ATP13A2: variants seen among roughly 807,000 people sequenced by gnomAD.
ATP13A2 encodes the protein polyamine-transporting ATPase 13A2.
In ATP13A2, 83 loss-of-function variants were observed where a neutral mutation model predicts 138.3. The ratio of observed to expected loss-of-function variants is 0.60; its 90% CI spans 0.50 to 0.72. The LOEUF (loss-of-function observed/expected upper bound fraction) is 0.72, where lower values mean the gene tolerates loss of function less well. Ranked by LOEUF, ATP13A2 falls within the 30% of genes least tolerant of loss-of-function variation. The probability of loss-of-function intolerance (pLI) is 0.00; values close to 1 mark genes in which losing one functional copy is unlikely to be tolerated. For missense variants in ATP13A2, 1,402 were observed against 1,606.4 expected (o/e 0.87, Z 2.17); for synonymous variants, 663 against 699.0 (o/e 0.95, Z 0.81).
At chr1:16,991,461 G>A (rs1324832183) in intron 20 of ATP13A2, among the ~76,000 whole-genome samples, 3 of 152,190 alleles carry the variant, frequency 2.0e-5, no homozygotes, top group African/African-American at 7.2e-5. Context: ...TCTCAGAGGT[G>A]CCACCTGGAA....
chr1:17,003,585 CCACACACACACACACA>C (rs540533484), intron 6 of ATP13A2, among the ~76,000 whole-genome samples: 2 of 132,988 alleles, frequency 1.5e-5, no homozygotes, highest in Non-Finnish European at 3.1e-5. Context: ...ACCAAAAAAA[CCACACACACACACACA>C]CACACACACA....
At chr1:17,000,775 C>T (rs2101015611) in intron 8 of ATP13A2, 1 of 537,238 alleles carries the variant, frequency 1.9e-6, no homozygotes, top group African/African-American at 1.9e-5. Flanking sequence ...AACCCCATAT[C>T]TACAAAAAAT....
Position 16,987,254 on chromosome 1 carries a change from C to A in ATP13A2, c.2875G>T (p.Gly959Cys). 1.9e-6 allele frequency: 3 copies of A among 1,613,742 alleles called. No homozygotes were observed. The highest frequency in any genetic ancestry group is 2.5e-6 in the Non-Finnish European group (3 of 1,179,810). Residue 959 changes from glycine (G) to cysteine (C), a missense_variant, in exon 26 of 29, where the codon GGT becomes TGT. Coordinates refer to ENST00000326735, the MANE Select transcript of ATP13A2 (RefSeq NM_022089.4). ...TCGATGGCCAGGAACTGCAGGTCAC[C>A]CAGGTTGGTGTTGATCTGCCACAGG... The part of the protein sequence containing the change: ...LILYTINTNL[G>C]DLQFLAIDLV...
At chr1:16,991,933 C>A in intron 19 of ATP13A2, 75 bp from the exon 20 acceptor site, 1 of 1,610,930 alleles carries the variant, frequency 6.2e-7, no homozygotes, top group Admixed American at 1.7e-5. Context: ...GGCAGGGCAT[C>A]TTCCTTGGGC....
intron 11 of ATP13A2, 53 bp downstream of exon 11, chr1:16,999,958 G>A: frequency 6.5e-7 from 1 of 1,548,416 alleles, no homozygotes; most frequent in Non-Finnish European, 8.7e-7. Context: ...GCAGGGCAAA[G>A]GGTTGGATGG....
At chr1:17,006,433 T>C (rs891455940) in intron 1 of ATP13A2, among the ~76,000 whole-genome samples, 3 of 151,886 alleles carry the variant, frequency 2.0e-5, no homozygotes, top group South Asian at 2.1e-4. Flanking sequence ...GTATTTTTAG[T>C]AGAGATGGGG....
Position 16,992,019 on chromosome 1 carries a change from G to A in ATP13A2, c.2116C>T (p.Gln706Ter), listed in dbSNP as rs2076949269. 1.9e-6 allele frequency: 3 copies of A among 1,612,696 alleles called. No homozygotes were observed. Among genetic ancestry groups the A allele is most frequent in the Non-Finnish European group, 2.5e-6 (3 of 1,179,344 alleles). Reference sequence around the variant, plus strand: ...AGGAGACAGGCCCACCTCGTCAGTTGCTGGGCTGCCTCCAGGCTGGGCACA... The same window carrying A: ...AGGAGACAGGCCCACCTCGTCAGTTACTGGGCTGCCTCCAGGCTGGGCACA... ...PTVPSLEAAQ[Q>*]LTRDTVEGDL... is the part of the protein sequence containing the mutation. The change falls in exon 19 of 29, where the codon CAA (glutamine) becomes TAA (stop). Residue 706 changes from glutamine (Q) to a stop codon, truncating the protein, a stop_gained. Transcript: ENST00000326735. LOFTEE classifies it high-confidence loss of function.
intron 1 of ATP13A2, among the ~76,000 whole-genome samples, chr1:17,008,205 C>T (rs913758473): frequency 6.6e-6 from 1 of 152,038 alleles, no homozygotes; most frequent in East Asian, 1.9e-4. Context: ...TGCAGTGTTG[C>T]GATCATAGCT....
chr1:16,993,786 A>C lies in ATP13A2; in HGVS notation c.1592T>G (p.Leu531Arg). 6.3e-7 allele frequency: 1 copy of C among 1,585,814 alleles called. No individual in the cohort carries two copies. Among genetic ancestry groups the C allele is most frequent in the Non-Finnish European group, 8.6e-7 (1 of 1,166,738 alleles). The stretch of plus-strand genomic sequence containing the variant: ...CAGGGGCAGGAATGCCTGCCCCTTC[A>C]GGGGCACCACCCCCATCACGTCTAA... ...DGLDVMGVVP[L>R]KGQAFLPLVP... is the part of the protein sequence containing the mutation. Residue 531 changes from leucine to arginine, a missense_variant, in exon 16 of 29, where the codon CTG becomes CGG. Coordinates refer to ENST00000326735, the MANE Select transcript of ATP13A2 (RefSeq NM_022089.4).
In ATP13A2 at chr1:17,004,714, T is replaced by C. The variant is rs748158984; in HGVS notation, c.455A>G (p.Glu152Gly). The C allele has an allele frequency of 6.2e-7, 1 of 1,614,100 alleles. No homozygotes were observed. Among genetic ancestry groups the C allele is most frequent in the South Asian group, 1.1e-5 (1 of 91,084 alleles). ...WKDTAQLHKS[E>G]EAVSVGQKRV... ...CACCTGTCCGACACTCACCGCCTCC[T>C]CGCTCTTGTGGAGCTGGGCCGTATC... Residue 152 changes from glutamate to glycine, a missense_variant, in exon 5 of 29, where the codon GAG becomes GGG. Coordinates refer to ENST00000326735, the MANE Select transcript of ATP13A2 (RefSeq NM_022089.4). The surrounding 1 kb of genome is among the most constrained non-coding windows in gnomAD (Gnocchi z 4.1).
Position 16,995,963 on chromosome 1 carries a change from C to A in ATP13A2, c.1542+13G>T. 1 of 1,613,850 alleles carries A rather than the reference C, an allele frequency of 6.2e-7. No homozygotes were observed. Among genetic ancestry groups the A allele is most frequent in the Admixed American group, 1.7e-5 (1 of 60,024 alleles). ...GTCCCGCTCCCCTGCACCAACCCCA[C>A]CTGCGGCCCCACCTTGTCGAAACAC... On this transcript the variant is annotated intron_variant, in intron 15 of 28. Transcript: ENST00000326735. This position sits in a 1 kb window ranked among gnomAD's most constrained non-coding sequence, Gnocchi z 4.1.
intron 23 of ATP13A2, among the ~76,000 whole-genome samples, chr1:16,989,434 C>T (rs559317046): frequency 6.6e-6 from 1 of 152,322 alleles, no homozygotes; most frequent in South Asian, 2.1e-4. Context: ...TGGCCTCAAA[C>T]TCCTGGGCTC....
intron 1 of ATP13A2, among the ~76,000 whole-genome samples, chr1:17,006,102 C>A (rs2077550162): frequency 6.6e-6 from 1 of 152,048 alleles, no homozygotes; most frequent in African/African-American, 2.4e-5. Flanking sequence ...ACCACTGCAC[C>A]CCTGCCTGAG....
Position 17,011,725 on chromosome 1 carries a change from T to C in ATP13A2, c.10+4A>G. 3 of 1,477,316 alleles carry C rather than the reference T, an allele frequency of 2.0e-6. No individual in the cohort carries two copies. The highest frequency in any genetic ancestry group is 2.7e-6 in the Non-Finnish European group (3 of 1,120,264). The allele number at this position is 1,477,316 out of a possible 1,614,324, so 91.5% of individuals were successfully genotyped here. A position where few individuals can be genotyped will look rare whatever the true frequency, so the allele number is the denominator to read the frequency against. ...CTCGGGGCCGACCCGGACTCCGCACTCACCTGCGCTCATGCCGGCTCCTCG... is the reference window on the plus strand; with the variant it reads ...CTCGGGGCCGACCCGGACTCCGCACCCACCTGCGCTCATGCCGGCTCCTCG... On this transcript the variant is annotated splice_donor_region_variant and intron_variant, in intron 1 of 28. Coordinates refer to ENST00000326735, the MANE Select transcript of ATP13A2 (RefSeq NM_022089.4). This position sits in a 1 kb window ranked among gnomAD's most constrained non-coding sequence, Gnocchi z 7.3.
At chr1:16,988,516 C>T in intron 23 of ATP13A2, 42 bp from the exon 24 acceptor site, 1 of 1,612,820 alleles carries the variant, frequency 6.2e-7, no homozygotes, top group South Asian at 1.1e-5. Flanking sequence ...GGAATTACCC[C>T]ACCACCCCAT....
intron 16 of ATP13A2, 133 bp from the exon 17 acceptor site, chr1:16,992,714 A>G (rs1274962629): frequency 1.1e-6 from 1 of 871,048 alleles, no homozygotes; most frequent in Non-Finnish European, 1.8e-6. Context: ...AGCCCGGTGG[A>G]CTCAAATTCA....
chr1:16,993,874 G>C (rs754903352), intron 15 of ATP13A2, 39 bp from the exon 16 acceptor site: 7 of 1,494,142 alleles, frequency 4.7e-6, no homozygotes, highest in Non-Finnish European at 6.3e-6. Flanking sequence ...ATGAGTCCTG[G>C]GATGGGGGTA....
rs771919221 is a variant in ATP13A2 at position 17,004,339 on chromosome 1, G to T, written c.550C>A (p.Gln184Lys). The T allele has an allele frequency of 3.7e-6, 6 of 1,613,838 alleles. No homozygotes were observed. The South Asian group carries it at 6.6e-5, about 18-fold the overall frequency. ...IWIETQQAFY[Q>K]VSLLDHGRSC... ...ACAGGCCCTGACTCCTACCTGACCTGGTAGAAGGCTTGCTGGGTCTCGATC... is the reference window on the plus strand; with the variant it reads ...ACAGGCCCTGACTCCTACCTGACCTTGTAGAAGGCTTGCTGGGTCTCGATC... The change falls in exon 6 of 29, where the codon CAG (glutamine) becomes AAG (lysine). Residue 184 changes from glutamine to lysine, a missense_variant. Coordinates refer to ENST00000326735, the MANE Select transcript of ATP13A2 (RefSeq NM_022089.4). The surrounding 1 kb of genome is among the most constrained non-coding windows in gnomAD (Gnocchi z 4.1).
chr1:17,011,599 C>T lies in ATP13A2; in HGVS notation c.10+130G>A. On this transcript the variant is annotated intron_variant, in intron 1 of 28. Coordinates refer to ENST00000326735, the MANE Select transcript of ATP13A2 (RefSeq NM_022089.4). The surrounding 1 kb of genome is among the most constrained non-coding windows in gnomAD (Gnocchi z 7.3). ...GAGGGGACGGGCCAGGATCCCCAAC[C>T]AGGTCCCGCTTCCTGGGCTCGCGAC... 1 of 1,215,716 alleles carries T rather than the reference C, an allele frequency of 8.2e-7. No homozygotes were observed. The highest frequency in any genetic ancestry group is 1.1e-6 in the Non-Finnish European group (1 of 933,122). 75.3% of individuals were successfully genotyped at this position (1,215,716 alleles called of 1,614,324 possible). A position where few individuals can be genotyped will look rare whatever the true frequency, so the allele number is the denominator to read the frequency against.
Sources: allele counts gnomAD v4.1 joint callset (sites outside exome capture counted in the v4.1 genomes callset), GRCh38; gene constraint gnomAD v4.1.1; non-coding constraint Gnocchi (gnomAD v3.1); transcripts MANE v1.5; gene names NCBI Gene and HGNC (gene_info 2026-07-23, HGNC 2026-07-21).